Variants in MAP7D3 observed in about 807,000 individuals in gnomAD.
MAP7D3 encodes MAP7 domain-containing protein 3.
In MAP7D3, 45 loss-of-function variants were observed where a neutral mutation model predicts 62.2. The ratio of observed to expected loss-of-function variants is 0.72; its 90% CI spans 0.57 to 0.93. MAP7D3 has a LOEUF of 0.93. Ranked by LOEUF, MAP7D3 falls within the 40% of genes least tolerant of loss-of-function variation. The pLI is 0.00. For missense variants in MAP7D3, 711 were observed against 683.1 expected (o/e 1.04, Z -0.45); for synonymous variants, 288 against 248.8 (o/e 1.16, Z -1.48).
At chrX:136,248,195 A>G (rs1480913552) in intron 1 of MAP7D3, among the ~76,000 whole-genome samples, 1 of 112,251 alleles carries the variant, frequency 8.9e-6, no homozygotes, top group Non-Finnish European at 1.9e-5. Context: ...CAAAAAAAGT[A>G]TACTTTTACC....
intron 11 of MAP7D3, 22 bp downstream of exon 11, chrX:136,228,601 G>A (rs755393884): frequency 2.5e-6 from 3 of 1,190,999 alleles, no homozygotes; most frequent in Non-Finnish European, 3.4e-6. Context: ...TTATAGTATA[G>A]GAAGGAAGAC....
At chrX:136,227,917 T>G (rs893939469) in intron 11 of MAP7D3, among the ~76,000 whole-genome samples, 8 of 111,870 alleles carry the variant, frequency 7.2e-5, no homozygotes, top group African/African-American at 2.6e-4. Context: ...TTCATAATAT[T>G]CCCTTCTTTT....
chrX:136,220,157 T>C (rs1006119674), intron 16 of MAP7D3, among the ~76,000 whole-genome samples: 4 of 111,731 alleles, frequency 3.6e-5, no homozygotes, highest in African/African-American at 1.3e-4. Flanking sequence ...TTTCCTTACA[T>C]TGACAATGAG....
intron 4 of MAP7D3, 83 bp downstream of exon 4, chrX:136,244,549 G>A: frequency 1.1e-6 from 1 of 892,137 alleles, no homozygotes; most frequent in Non-Finnish European, 1.6e-6. Context: ...GGGCAAGTAA[G>A]GCAGAGAAGG....
upstream of MAP7D3, among the ~76,000 whole-genome samples, chrX:136,253,224 A>C (rs1256815201): frequency 8.9e-6 from 1 of 112,586 alleles, no homozygotes; most frequent in African/African-American, 3.2e-5. Flanking sequence ...CATGATTATT[A>C]ATACGACACA....
chrX:136,236,189 C>T, intron 7 of MAP7D3, 55 bp downstream of exon 7: 2 of 744,757 alleles, frequency 2.7e-6, no homozygotes, highest in South Asian at 2.8e-5. Context: ...TCAATGTTGA[C>T]ATAAAATACC....
chrX:136,224,493 A>G (rs749830156), intron 14 of MAP7D3, among the ~76,000 whole-genome samples: 119 of 110,313 alleles, frequency 1.1e-3, no homozygotes, highest in African/African-American at 3.8e-3. Flanking sequence ...AAAAAAAAAA[A>G]GAAAAAAAGA....
intron 11 of MAP7D3, among the ~76,000 whole-genome samples, chrX:136,228,167 A>G (rs1181608380): frequency 8.9e-6 from 1 of 112,033 alleles, no homozygotes; most frequent in East Asian, 2.8e-4. Flanking sequence ...GCAATGACTC[A>G]CTGGCCTGAT....
At chrX:136,221,013 AAG>A (rs2074120631) in intron 15 of MAP7D3, 50 bp from the exon 16 acceptor site, 1 of 959,667 alleles carries the variant, frequency 1.0e-6, no homozygotes, top group East Asian at 3.1e-5. Flanking sequence ...TAAAGAATTC[AAG>A]AAAAAGTGAA....
Position 136,225,978 on chromosome X carries a change from A to G in MAP7D3, c.2070T>C (p.Ala690=). 8.3e-7 allele frequency: 1 copy of G among 1,204,434 alleles called. No individual in the cohort carries two copies. The highest frequency in any genetic ancestry group is 1.1e-6 in the Non-Finnish European group (1 of 891,426). The change falls in exon 13 of 19, where the codon GCT becomes GCC. Residue 690 remains alanine, a synonymous_variant. Coordinates refer to ENST00000316077, the MANE Select transcript of MAP7D3 (RefSeq NM_024597.4). ...GDAKIKAQEE[A]DKRKKEHERI... ...TCTCGTGTTCTTTCTTGCGTTTGTC[A>G]GCTTCCTCTTGAGCTTTTATTTTGG...
rs1230779430 is a variant in MAP7D3, at chrX:136,222,459, A to G, written c.2221T>C (p.Tyr741His). 8.3e-7 allele frequency: 1 copy of G among 1,206,941 alleles called. No homozygotes were observed. Among genetic ancestry groups the G allele is most frequent in the Admixed American group, 2.2e-5 (1 of 45,993 alleles). Reference sequence around the variant, plus strand: ...TCGTTGTCAGCCTCAGCCTCTTCATATATGTCATGGCTGGATGTTTCTGTG... The same window carrying G: ...TCGTTGTCAGCCTCAGCCTCTTCATGTATGTCATGGCTGGATGTTTCTGTG... ...KVTETSSHDI[Y>H]EEAEADNEES... Residue 741 changes from tyrosine to histidine, a missense_variant, in exon 15 of 19, where the codon TAT (tyrosine) becomes CAT (histidine). Coordinates refer to ENST00000316077, the MANE Select transcript of MAP7D3 (RefSeq NM_024597.4).
chrX:136,214,357 C>A (rs1208617467), downstream of MAP7D3: 1 of 111,235 alleles, frequency 9.0e-6, no homozygotes. Context: ...GGGGTGGGGT[C>A]ACTGAAAATG....
intron 12 of MAP7D3, 115 bp from the exon 13 acceptor site, chrX:136,226,128 C>A: frequency 2.1e-6 from 1 of 480,764 alleles, no homozygotes; most frequent in Non-Finnish European, 3.4e-6. Flanking sequence ...AAGAGTGTAA[C>A]CTTTTGAATG....
At chrX:136,214,589 G>A (rs2074050019), downstream of MAP7D3, 2 of 111,909 alleles carry the variant, frequency 1.8e-5, no homozygotes, top group Admixed American at 1.9e-4. Flanking sequence ...TCAGAGAAGA[G>A]CAACAACGTG....
rs754644794 is a variant in MAP7D3 at position 136,245,026 on chromosome X, A to G, written c.254-231T>C. Among the ~76,000 whole-genome samples the G allele has an allele frequency of 4.0e-4, 45 of 112,430 alleles. No homozygotes were observed. In the Admixed American group the frequency reaches 4.0e-3, roughly 10 times the overall value. On this transcript the variant is annotated intron_variant, in intron 3 of 18. Coordinates refer to ENST00000316077, the MANE Select transcript of MAP7D3 (RefSeq NM_024597.4). ...TGGAGAACTGGATTGTCTGTGCCAA[A>G]TGACTCTCATCCTGTCCAAACTACA... is the stretch of plus-strand genomic sequence containing the variant.
At chrX:136,255,807 C>T (rs757943209), upstream of MAP7D3, among the ~76,000 whole-genome samples, 4 of 111,484 alleles carry the variant, frequency 3.6e-5, no homozygotes, top group African/African-American at 1.3e-4. Flanking sequence ...AACTGGAATC[C>T]TGCTCGCTTT....
rs1411377718 is a variant in MAP7D3 at position 136,217,935 on chromosome X, A to T, written c.*591T>A. 5 of 110,243 alleles carry T rather than the reference A, an allele frequency of 4.5e-5. No individual in the cohort carries two copies. In the East Asian group the frequency reaches 1.1e-3, roughly 25 times the overall value. 9.1% of individuals were successfully genotyped at this position (110,243 alleles called of 1,213,427 possible). A position where few individuals can be genotyped will look rare whatever the true frequency, so the allele number is the denominator to read the frequency against. Reference sequence around the variant, plus strand: ...CCAGGTGTGGTGGCACATGCCTGTAATCCCAGCTACTGGGGAGGCTGAGAC... The same window carrying T: ...CCAGGTGTGGTGGCACATGCCTGTATTCCCAGCTACTGGGGAGGCTGAGAC... On this transcript the variant is annotated 3_prime_UTR_variant, in exon 19 of 19. Coordinates refer to ENST00000316077, the MANE Select transcript of MAP7D3 (RefSeq NM_024597.4).
intron 7 of MAP7D3, 99 bp downstream of exon 7, chrX:136,236,145 G>T: frequency 3.8e-6 from 2 of 521,891 alleles, no homozygotes; most frequent in Non-Finnish European, 3.1e-6. Context: ...GGAATATTTT[G>T]GCTTCCAATT....
In MAP7D3 at chrX:136,250,280, C is replaced by A. The variant is rs759515330; in HGVS notation, c.70+1009G>T. Among the ~76,000 whole-genome samples the A allele has an allele frequency of 7.1e-5, 8 of 111,935 alleles. No homozygotes were observed. The East Asian group carries it at 2.0e-3, about 27-fold the overall frequency. On this transcript the variant is annotated intron_variant, in intron 1 of 18. Transcript: ENST00000316077. The stretch of plus-strand genomic sequence containing the variant: ...CTTTTTAATTGCAAATGCAAAAAAA[C>A]CCCTAAGAAATTCAATTAAAATTAA...
Sources: gnomAD v4.1 joint callset for allele counts (sites outside exome capture counted in the v4.1 genomes callset) on GRCh38, gnomAD v4.1.1 for gene constraint, MANE v1.5 for transcripts, NCBI Gene and HGNC (gene_info 2026-07-23, HGNC 2026-07-21) for gene names.